NFAM1: variants seen among roughly 807,000 people sequenced by gnomAD.
NFAM1 encodes NFAT activating protein with ITAM motif 1, also known as NFAT activation molecule 1.
NFAM1 carries 17 observed loss-of-function variants against 29.0 expected under a neutral mutation model. The ratio of observed to expected loss-of-function variants is 0.59; its 90% CI spans 0.40 to 0.88. The LOEUF is 0.88. Ranked by LOEUF, NFAM1 falls within the 40% of genes least tolerant of loss-of-function variation. The probability of loss-of-function intolerance (pLI) is 0.00; values close to 1 mark genes in which losing one functional copy is unlikely to be tolerated. For missense variants in NFAM1, 324 were observed against 344.6 expected, an observed-to-expected ratio of 0.94 and a Z score of 0.47; for synonymous variants, 175 against 147.2, an observed-to-expected ratio of 1.19 and a Z score of -1.36.
At chr22:42,433,176 G>C (rs529369033), upstream of NFAM1, among the ~76,000 whole-genome samples, 164 of 152,284 alleles carry the variant, frequency 1.1e-3, 1 homozygote, top group African/African-American at 3.7e-3. Flanking sequence ...CAGCAGACTG[G>C]GAGCCCCTCA....
At chr22:42,398,860 G>A (rs754749285) in intron 3 of NFAM1, among the ~76,000 whole-genome samples, 54 of 152,190 alleles carry the variant, frequency 3.5e-4, no homozygotes, top group Middle Eastern at 3.2e-3. Flanking sequence ...GCACTGGCAA[G>A]CCAGGCAGTG....
rs115698487 is a variant in NFAM1, at chr22:42,397,451, G to A, written c.663+407C>T. 9.5e-3 allele frequency among the ~76,000 whole-genome samples: 1,450 copies of A among 152,306 alleles called. 27 individuals are homozygous for A. Among genetic ancestry groups the A allele is most frequent in the African/African-American group, 0.033 (1,372 of 41,550 alleles). The stretch of plus-strand genomic sequence containing the variant: ...ACTGATGTGTTAAGGGCGTGGGATG[G>A]CGCCTGACCTCTTCCTCTTTTTGTG... On this transcript the variant is annotated intron_variant, in intron 4 of 5. Transcript: ENST00000329021.
At chr22:42,393,067 A>G (rs1003943439) in intron 4 of NFAM1, among the ~76,000 whole-genome samples, 5 of 152,002 alleles carry the variant, frequency 3.3e-5, no homozygotes, top group African/African-American at 1.2e-4. Context: ...CCCAAAGAAT[A>G]GGTCAAGTTT....
At chr22:42,422,346 C>T (rs1930472722) in intron 1 of NFAM1, among the ~76,000 whole-genome samples, 1 of 152,194 alleles carries the variant, frequency 6.6e-6, no homozygotes, top group Admixed American at 6.5e-5. Context: ...GTGCTCACGC[C>T]TGTAATCCCA....
At chr22:42,408,145 C>T (rs940328501) in intron 3 of NFAM1, among the ~76,000 whole-genome samples, 1 of 152,102 alleles carries the variant, frequency 6.6e-6, no homozygotes, top group African/African-American at 2.4e-5. Flanking sequence ...CCACCCACCT[C>T]GGCCTCCCAA....
intron 4 of NFAM1, among the ~76,000 whole-genome samples, chr22:42,390,708 T>C (rs960989378): frequency 6.7e-6 from 1 of 149,934 alleles, no homozygotes; most frequent in South Asian, 2.1e-4. Context: ...TCCCAGATAC[T>C]CAGGAGGCTG....
chr22:42,437,211 TG>T (rs1449854076), upstream of NFAM1, among the ~76,000 whole-genome samples: 1 of 151,216 alleles, frequency 6.6e-6, no homozygotes, highest in Non-Finnish European at 1.5e-5. Context: ...GGTGCGATCT[TG>T]GCTCACTGCA....
upstream of NFAM1, among the ~76,000 whole-genome samples, chr22:42,434,560 G>T (rs1356247790): frequency 1.3e-5 from 2 of 152,212 alleles, no homozygotes; most frequent in African/African-American, 4.8e-5. Flanking sequence ...TGGCTGCGCT[G>T]TCGGGGCCTC....
chr22:42,434,392 A>C (rs997643246), upstream of NFAM1, among the ~76,000 whole-genome samples: 2 of 152,156 alleles, frequency 1.3e-5, no homozygotes, highest in Admixed American at 6.5e-5. Flanking sequence ...GGAGGCGTGC[A>C]TACTCCCCAG....
chr22:42,390,902 G>A (rs893947524), intron 4 of NFAM1, among the ~76,000 whole-genome samples: 20 of 151,872 alleles, frequency 1.3e-4, no homozygotes, highest in African/African-American at 4.6e-4. Context: ...CAGCACAGAG[G>A]CCCAGGGCGC....
At chr22:42,403,942 G>T (rs1929809416) in intron 3 of NFAM1, among the ~76,000 whole-genome samples, 2 of 152,182 alleles carry the variant, frequency 1.3e-5, no homozygotes, top group African/African-American at 4.8e-5. Context: ...GGGATCCCAG[G>T]TGCCGAAATA....
chr22:42,391,361 G>C (rs1231114260), intron 4 of NFAM1, among the ~76,000 whole-genome samples: 1 of 151,502 alleles, frequency 6.6e-6, no homozygotes, highest in Non-Finnish European at 1.5e-5. Flanking sequence ...TTGGGGGTGG[G>C]GGTAGGGGGA....
At chr22:42,426,140 A>G (rs2146556061) in intron 1 of NFAM1, among the ~76,000 whole-genome samples, 1 of 152,252 alleles carries the variant, frequency 6.6e-6, no homozygotes, top group East Asian at 1.9e-4. Context: ...GCCAACCTCA[A>G]AGGTGGGAGT....
intron 3 of NFAM1, among the ~76,000 whole-genome samples, chr22:42,406,436 C>A (rs1257138397): frequency 6.6e-6 from 1 of 152,194 alleles, no homozygotes; most frequent in Non-Finnish European, 1.5e-5. Context: ...ATGCCCCCTA[C>A]CTGGCTGCAT....
chr22:42,436,082 A>G (rs1930933978), upstream of NFAM1, among the ~76,000 whole-genome samples: 1 of 152,062 alleles, frequency 6.6e-6, no homozygotes, highest in Non-Finnish European at 1.5e-5. Context: ...GGCCTCCCGA[A>G]GTGCTGGGAC....
intron 1 of NFAM1, among the ~76,000 whole-genome samples, chr22:42,426,462 A>C (rs1217732870): frequency 6.6e-6 from 1 of 152,024 alleles, no homozygotes; most frequent in Non-Finnish European, 1.5e-5. Flanking sequence ...AGGTGCAGCC[A>C]CTCATCAAAT....
At chr22:42,393,977 T>A (rs770134629) in intron 4 of NFAM1, among the ~76,000 whole-genome samples, 1 of 152,136 alleles carries the variant, frequency 6.6e-6, no homozygotes, top group African/African-American at 2.4e-5. Context: ...ATTCCATATA[T>A]GTCAATTAGG....
At position 42,381,356 on chromosome 22, in the gene NFAM1, T is replaced by C. The variant is rs996300889; in HGVS notation, c.*3805A>G. Reference sequence around the variant, plus strand: ...GGGTGGGGTTGGAGGCTGAAACCCATTGAAGGGGTCAACTTCCTAGAGGCA... The same window carrying C: ...GGGTGGGGTTGGAGGCTGAAACCCACTGAAGGGGTCAACTTCCTAGAGGCA... On this transcript the variant is annotated 3_prime_UTR_variant, in exon 6 of 6. Coordinates refer to ENST00000329021, the MANE Select transcript of NFAM1 (RefSeq NM_145912.8). 2.0e-5 allele frequency: 3 copies of C among 153,080 alleles called. No individual in the cohort carries two copies. In the East Asian group the frequency reaches 5.8e-4, roughly 30 times the overall value. The allele number at this position is 153,080 out of a possible 1,614,324, so 9.5% of individuals were successfully genotyped here.
At position 42,409,864 on chromosome 22, in the gene NFAM1, T is replaced by C. The variant is rs536725987; in HGVS notation, c.452-317A>G. Among the ~76,000 whole-genome samples, 146 of 152,254 alleles carry C rather than the reference T, an allele frequency of 9.6e-4. No individual in the cohort carries two copies. The highest frequency in any genetic ancestry group is 3.4e-3 in the African/African-American group (141 of 41,544). On this transcript the variant is annotated intron_variant, in intron 2 of 5. Transcript: ENST00000329021. This position sits in a 1 kb window ranked among gnomAD's most constrained non-coding sequence, Gnocchi z 4.9. ...GTCTCCCCTCTCGGGGCCTCTTCTT[T>C]TCCCTGTGTGAGGTGGTGATAATAC...
Sources: allele counts gnomAD v4.1 joint callset (sites outside exome capture counted in the v4.1 genomes callset), GRCh38; gene constraint gnomAD v4.1.1; non-coding constraint Gnocchi (gnomAD v3.1); transcripts MANE v1.5; gene names NCBI Gene and HGNC (gene_info 2026-07-23, HGNC 2026-07-21).